Variants in STARD3NL observed in about 807,000 individuals in gnomAD.
STARD3NL encodes STARD3 N-terminal-like protein.
Under a neutral mutation model 30.9 loss-of-function variants are expected in STARD3NL, and 17 were observed. The observed-to-expected ratio is 0.55, with a 90% CI of 0.38 to 0.82. The LOEUF (loss-of-function observed/expected upper bound fraction) is 0.82, where lower values mean the gene tolerates loss of function less well. Ranked by LOEUF, STARD3NL falls within the 40% of genes least tolerant of loss-of-function variation. The pLI is 0.00. For missense variants in STARD3NL, 234 were observed against 277.6 expected (o/e 0.84, Z 1.12); for synonymous variants, 112 against 100.5 (o/e 1.11, Z -0.69).
chr7:38,225,853 C>T (rs1271154825), intron 7 of STARD3NL, among the ~76,000 whole-genome samples: 1 of 152,180 alleles, frequency 6.6e-6, no homozygotes, highest in Non-Finnish European at 1.5e-5. Context: ...AGCAGGTTGA[C>T]ACGGATGTGT....
intron 1 of STARD3NL, among the ~76,000 whole-genome samples, chr7:38,198,990 A>G (rs1785052312): frequency 6.6e-6 from 1 of 152,264 alleles, no homozygotes; most frequent in Non-Finnish European, 1.5e-5. Context: ...TGTAGCATAA[A>G]TAGAAATAGC....
intron 6 of STARD3NL, among the ~76,000 whole-genome samples, chr7:38,218,498 A>G (rs1191252421): frequency 6.6e-6 from 1 of 152,240 alleles, no homozygotes; most frequent in Non-Finnish European, 1.5e-5. Flanking sequence ...ATATAAATAT[A>G]AAACTGAACT....
intron 7 of STARD3NL, among the ~76,000 whole-genome samples, chr7:38,221,476 C>T (rs1050187224): frequency 6.6e-6 from 1 of 152,080 alleles, no homozygotes; most frequent in Non-Finnish European, 1.5e-5. Context: ...AGTGCCTCCA[C>T]TCTGTGATGT....
chr7:38,197,252 G>T (rs1335423552), intron 1 of STARD3NL, among the ~76,000 whole-genome samples: 2 of 137,356 alleles, frequency 1.5e-5, no homozygotes, highest in African/African-American at 2.8e-5. Flanking sequence ...TTCTTTCAGG[G>T]CCTTGCTCTG....
At chr7:38,181,542 TA>T (rs1306747883) in intron 1 of STARD3NL, among the ~76,000 whole-genome samples, 1 of 152,238 alleles carries the variant, frequency 6.6e-6, no homozygotes, top group Non-Finnish European at 1.5e-5. Flanking sequence ...AACAGACTAA[TA>T]AATAGCTTAA....
intron 4 of STARD3NL, 122 bp downstream of exon 4, chr7:38,215,227 TG>T (rs1266168402): frequency 2.4e-6 from 2 of 845,426 alleles, no homozygotes; most frequent in Non-Finnish European, 3.8e-6. Flanking sequence ...CCAGCTTTCC[TG>T]AGTCCCGTTT....
chr7:38,191,287 T>A (rs1487256901), intron 1 of STARD3NL, among the ~76,000 whole-genome samples: 1 of 152,220 alleles, frequency 6.6e-6, no homozygotes, highest in African/African-American at 2.4e-5. Context: ...TTATTTACAA[T>A]ATTACCATGG....
intron 1 of STARD3NL, among the ~76,000 whole-genome samples, chr7:38,188,911 TTAAAAGCACCATGACA>T (rs755508176): frequency 6.6e-6 from 1 of 152,256 alleles, no homozygotes; most frequent in Non-Finnish European, 1.5e-5. Flanking sequence ...GAGGAGTGAC[TTAAAAGCACCATGACA>T]TGTATTTTTC....
chr7:38,192,316 T>G (rs1280917184), intron 1 of STARD3NL, among the ~76,000 whole-genome samples: 1 of 152,136 alleles, frequency 6.6e-6, no homozygotes, highest in African/African-American at 2.4e-5. Flanking sequence ...CTTTTTTAAA[T>G]GGAAGGCAAA....
At chr7:38,216,651 T>C (rs1201536152) in intron 4 of STARD3NL, 1 of 208,568 alleles carries the variant, frequency 4.8e-6, no homozygotes, top group East Asian at 1.1e-4. Context: ...TCAGGTATTA[T>C]GGTATCTCTG....
At chr7:38,197,136 TTTTCTTTCTTTCTTTC>T (rs56319128) in intron 1 of STARD3NL, among the ~76,000 whole-genome samples, 71 of 112,378 alleles carry the variant, frequency 6.3e-4, no homozygotes, top group African/African-American at 1.4e-3. Context: ...GCATTACCTT[TTTTCTTTCTTTCTTTC>T]TTTCTTTCTT....
intron 1 of STARD3NL, among the ~76,000 whole-genome samples, chr7:38,192,684 C>G (rs372563983): frequency 7.2e-5 from 11 of 152,168 alleles, no homozygotes; most frequent in Admixed American, 5.9e-4. Context: ...TAAATAATCT[C>G]ATAAATTTAA....
At chr7:38,193,823 A>T (rs1187033171) in intron 1 of STARD3NL, among the ~76,000 whole-genome samples, 2 of 152,134 alleles carry the variant, frequency 1.3e-5, no homozygotes, top group Non-Finnish European at 2.9e-5. Flanking sequence ...TAATTATGTT[A>T]TATTAATATG....
At chr7:38,197,929 T>A (rs1784999811) in intron 1 of STARD3NL, among the ~76,000 whole-genome samples, 1 of 152,222 alleles carries the variant, frequency 6.6e-6, no homozygotes, top group African/African-American at 2.4e-5. Flanking sequence ...ACAGGACTTT[T>A]GTGTCATTAA....
At chr7:38,181,968 T>G (rs1170176789) in intron 1 of STARD3NL, among the ~76,000 whole-genome samples, 1 of 152,184 alleles carries the variant, frequency 6.6e-6, no homozygotes, top group Non-Finnish European at 1.5e-5. Flanking sequence ...AATGCTGCTT[T>G]ATCAATAAAG....
intron 1 of STARD3NL, among the ~76,000 whole-genome samples, chr7:38,193,752 G>A (rs1249376218): frequency 6.6e-6 from 1 of 152,190 alleles, no homozygotes; most frequent in Non-Finnish European, 1.5e-5. Context: ...AAGTCCCAGT[G>A]TGAGGAAGCT....
intron 2 of STARD3NL, among the ~76,000 whole-genome samples, chr7:38,207,953 T>C (rs1198984987): frequency 1.3e-5 from 2 of 152,242 alleles, no homozygotes; most frequent in African/African-American, 4.8e-5. Flanking sequence ...GTTTTGAAAT[T>C]TGAATTCCTG....
intron 1 of STARD3NL, among the ~76,000 whole-genome samples, chr7:38,194,759 G>A (rs768203227): frequency 6.6e-5 from 10 of 151,852 alleles, no homozygotes; most frequent in Non-Finnish European, 1.3e-4. Flanking sequence ...TTTTTTGGTG[G>A]TCTAGTTTTG....
intron 1 of STARD3NL, among the ~76,000 whole-genome samples, chr7:38,206,899 T>G (rs921772183): frequency 6.6e-6 from 1 of 152,144 alleles, no homozygotes; most frequent in Admixed American, 6.5e-5. Context: ...TCCTGAGTAG[T>G]TAGGACTATA....
Sources: gnomAD v4.1 joint callset for allele counts (sites outside exome capture counted in the v4.1 genomes callset) on GRCh38, gnomAD v4.1.1 for gene constraint, MANE v1.5 for transcripts, NCBI Gene and HGNC (gene_info 2026-07-23, HGNC 2026-07-21) for gene names.